Variants in DHX40 observed in about 807,000 individuals in gnomAD.
The protein encoded by DHX40 is probable ATP-dependent RNA helicase DHX40.
Under a neutral mutation model 89.6 loss-of-function variants are expected in DHX40, and 28 were observed. The observed-to-expected ratio is 0.31, with a 90% confidence interval of 0.23 to 0.43. The LOEUF is 0.43. DHX40 is among the 20% of genes least tolerant of loss of function. DHX40 has a pLI of 1.00. For synonymous variants in DHX40, 226 were observed against 283.6 expected (o/e 0.80, Z 2.04); for missense variants, 457 against 844.0 (o/e 0.54, Z 5.68).
intron 12 of DHX40, among the ~76,000 whole-genome samples, 167 bp downstream of exon 12, chr17:59,588,220 A>T (rs1483725326): frequency 8.5e-5 from 11 of 129,248 alleles, no homozygotes; most frequent in African/African-American, 2.4e-4. Context: ...CATCTCTACT[A>T]AAAAAAAAAA....
chr17:59,594,511 G>A (rs2049124387), intron 12 of DHX40, among the ~76,000 whole-genome samples: 1 of 151,614 alleles, frequency 6.6e-6, no homozygotes, highest in Non-Finnish European at 1.5e-5. Flanking sequence ...CTTGGGGTTG[G>A]GGAGTTAGGA....
chr17:59,603,404 A>G (rs2030655842), intron 15 of DHX40: 1 of 152,264 alleles, frequency 6.6e-6, no homozygotes, highest in African/African-American at 2.4e-5. Flanking sequence ...CTGCCACTTA[A>G]AGGAGTCAGG....
At chr17:59,572,113 A>C (rs1312262284) in intron 3 of DHX40, among the ~76,000 whole-genome samples, 2 of 152,304 alleles carry the variant, frequency 1.3e-5, no homozygotes, top group South Asian at 2.1e-4. Flanking sequence ...ACAAATTTAA[A>C]ATTTTCTTTT....
chr17:59,571,069 C>T (rs1389026887), intron 3 of DHX40, among the ~76,000 whole-genome samples: 2 of 152,056 alleles, frequency 1.3e-5, no homozygotes, highest in East Asian at 1.9e-4. Flanking sequence ...GGATTCTTGA[C>T]ATGTAGGTTT....
Position 59,588,685 on chromosome 17 carries a change from CAGAT to C in DHX40, c.1582+637_1582+640del, listed in dbSNP as rs1325750879. On this transcript the variant is annotated intron_variant, in intron 12 of 17. Transcript: ENST00000251241. ...TTGCATATTTTAAATAGTTATTTAA[CAGAT>C]AGATCTTTTGTAAATATTTTCTCCC... 1.1e-4 allele frequency among the ~76,000 whole-genome samples: 16 copies of C among 152,166 alleles called. No individual in the cohort carries two copies. The East Asian group carries it at 2.5e-3, about 24-fold the overall frequency.
chr17:59,594,307 T>G (rs2697418), intron 12 of DHX40, among the ~76,000 whole-genome samples: 75 of 152,226 alleles, frequency 4.9e-4, no homozygotes, highest in East Asian at 1.4e-3. Context: ...CATAAATTGC[T>G]CCATAGTCTT....
intron 8 of DHX40, 93 bp downstream of exon 8, chr17:59,577,458 A>G (rs970051350): frequency 1.1e-6 from 1 of 901,998 alleles, no homozygotes; most frequent in Non-Finnish European, 1.7e-6. Flanking sequence ...TGTGCCCTCC[A>G]CTAATTCCCT....
At chr17:59,577,490 C>T in intron 8 of DHX40, 125 bp downstream of exon 8, 1 of 706,518 alleles carries the variant, frequency 1.4e-6, no homozygotes, top group Non-Finnish European at 2.4e-6. Context: ...TTTTGATGTT[C>T]TTAACATGTA....
At position 59,605,069 on chromosome 17, in the gene DHX40, T is replaced by C. The variant is rs369718073; in HGVS notation, c.1902-46T>C. 104 of 1,508,950 alleles carry C rather than the reference T, an allele frequency of 6.9e-5. No homozygotes were observed. The African/African-American group carries it at 1.1e-3, about 16-fold the overall frequency. 93.5% of individuals were successfully genotyped at this position (1,508,950 alleles called of 1,614,324 possible). A position where few individuals can be genotyped will look rare whatever the true frequency, so the allele number is the denominator to read the frequency against. On this transcript the variant is annotated intron_variant, in intron 15 of 17. Coordinates refer to ENST00000251241, the MANE Select transcript of DHX40 (RefSeq NM_024612.5). Reference sequence around the variant, plus strand: ...TGAATGTAATGCTCCATTTACTTCATTGCTTTACTGTTGTAGTCTTTATCA... The same window carrying C: ...TGAATGTAATGCTCCATTTACTTCACTGCTTTACTGTTGTAGTCTTTATCA...
chr17:59,570,711 G>T, intron 3 of DHX40, 48 bp downstream of exon 3: 1 of 1,557,300 alleles, frequency 6.4e-7, no homozygotes, highest in East Asian at 2.4e-5. Flanking sequence ...ATGGGACAGG[G>T]TCTTGCTCTG....
intron 11 of DHX40, among the ~76,000 whole-genome samples, chr17:59,586,677 AAGG>A (rs1418825583): frequency 1.3e-5 from 2 of 151,914 alleles, no homozygotes; most frequent in African/African-American, 2.4e-5. Flanking sequence ...AAAAAAAAAA[AAGG>A]AGAAAGAAAC....
At chr17:59,591,030 C>T (rs1398111455) in intron 12 of DHX40, among the ~76,000 whole-genome samples, 1 of 150,932 alleles carries the variant, frequency 6.6e-6, no homozygotes, top group East Asian at 1.9e-4. Context: ...AAAAATAGGC[C>T]AGGTGTGGTG....
At chr17:59,596,314 C>T (rs540481750) in intron 12 of DHX40, among the ~76,000 whole-genome samples, 2 of 152,348 alleles carry the variant, frequency 1.3e-5, no homozygotes, top group African/African-American at 4.8e-5. Context: ...AGCCTGTAAT[C>T]CCAGCACTCT....
intron 12 of DHX40, among the ~76,000 whole-genome samples, chr17:59,589,972 T>A (rs797021589): frequency 2.1e-5 from 3 of 145,658 alleles, no homozygotes; most frequent in Non-Finnish European, 3.0e-5. Context: ...CTGCCTACCT[T>A]GGCCTTGGGA....
intron 3 of DHX40, 120 bp downstream of exon 3, chr17:59,570,783 A>G: frequency 9.9e-7 from 1 of 1,012,088 alleles, no homozygotes; most frequent in Non-Finnish European, 1.4e-6. Flanking sequence ...TTCTGGGCTC[A>G]AGTGATCTCC....
chr17:59,601,393 G>A (rs2030517865), intron 14 of DHX40, among the ~76,000 whole-genome samples: 1 of 151,858 alleles, frequency 6.6e-6, no homozygotes, highest in Non-Finnish European at 1.5e-5. Context: ...TTCGTTATGA[G>A]TGTTTTCTGT....
At chr17:59,565,816 G>A (rs1328348067) in intron 1 of DHX40, 33 bp downstream of exon 1, 2 of 1,557,600 alleles carry the variant, frequency 1.3e-6, no homozygotes, top group South Asian at 1.1e-5. Context: ...GAAGCCAGCG[G>A]GAGTTACGGC....
intron 2 of DHX40, 99 bp downstream of exon 2, chr17:59,566,893 T>C (rs951760625): frequency 9.3e-7 from 1 of 1,077,144 alleles, no homozygotes; most frequent in Non-Finnish European, 1.3e-6. Flanking sequence ...CAGTATTTGC[T>C]TTATAGTCCC....
chr17:59,570,844 A>G (rs1272190321), intron 3 of DHX40, among the ~76,000 whole-genome samples, 181 bp downstream of exon 3: 1 of 152,188 alleles, frequency 6.6e-6, no homozygotes, highest in Non-Finnish European at 1.5e-5. Flanking sequence ...CACCATGCCC[A>G]GCTAATGTTA....
Sources: allele counts gnomAD v4.1 joint callset (sites outside exome capture counted in the v4.1 genomes callset), GRCh38; gene constraint gnomAD v4.1.1; transcripts MANE v1.5; gene names NCBI Gene and HGNC (gene_info 2026-07-23, HGNC 2026-07-21).